FHIT: variants seen among roughly 807,000 people sequenced by gnomAD.
FHIT encodes the protein fragile histidine triad diadenosine triphosphatase.
A neutral mutation model predicts 17.9 loss-of-function variants in FHIT; 19 were observed. The observed-to-expected ratio is 1.06, with a 90% CI of 0.74 to 1.56. The LOEUF is 1.56. Ranked by LOEUF, FHIT falls within the 40% of genes most tolerant of loss-of-function variation. FHIT has a pLI of 0.00. For synonymous variants in FHIT, 81 were observed against 69.7 expected, an observed-to-expected ratio of 1.16 and a Z score of -0.81; for missense variants, 248 against 189.2, an observed-to-expected ratio of 1.31 and a Z score of -1.82.
chr3:60,548,839 A>G (rs2107619913), intron 4 of FHIT, among the ~76,000 whole-genome samples: 1 of 152,306 alleles, frequency 6.6e-6, no homozygotes, highest in South Asian at 2.1e-4. Flanking sequence ...CAAAAAACAA[A>G]TTCCTATACT....
chr3:60,281,618 C>CAAAA (rs71627529), intron 5 of FHIT, among the ~76,000 whole-genome samples: 2 of 92,278 alleles, frequency 2.2e-5, no homozygotes, highest in Non-Finnish European at 5.0e-5. Flanking sequence ...ATCCATATGC[C>CAAAA]AAAAAAAAAA....
chr3:59,874,250 CA>C (rs1462689501), intron 8 of FHIT, among the ~76,000 whole-genome samples: 1 of 152,094 alleles, frequency 6.6e-6, no homozygotes, highest in Non-Finnish European at 1.5e-5. Flanking sequence ...CTTCTCTGGC[CA>C]AAAAACAATT....
chr3:61,236,932 A>G (rs900695931), intron 1 of FHIT, among the ~76,000 whole-genome samples: 1 of 152,168 alleles, frequency 6.6e-6, no homozygotes, highest in African/African-American at 2.4e-5. Context: ...ATGCCCTTAC[A>G]TGATCTACCT....
At chr3:60,862,925 C>T (rs571172723) in intron 3 of FHIT, among the ~76,000 whole-genome samples, 2 of 151,648 alleles carry the variant, frequency 1.3e-5, no homozygotes, top group African/African-American at 4.8e-5. Flanking sequence ...CATGAAGAGA[C>T]TTAGCAGATG....
At chr3:60,896,188 T>C (rs1305902874) in intron 3 of FHIT, among the ~76,000 whole-genome samples, 1 of 152,082 alleles carries the variant, frequency 6.6e-6, no homozygotes, top group Non-Finnish European at 1.5e-5. Context: ...CTGCCACCGA[T>C]GGAAAAATTG....
chr3:60,058,057 A>G (rs112011595), intron 5 of FHIT, among the ~76,000 whole-genome samples: 3,204 of 150,300 alleles, frequency 0.021, 121 homozygotes, highest in African/African-American at 0.072. Flanking sequence ...TAGAACACAG[A>G]TTACCAGGGG....
intron 3 of FHIT, among the ~76,000 whole-genome samples, chr3:60,899,822 T>C (rs1249986661): frequency 1.3e-5 from 2 of 152,096 alleles, no homozygotes; most frequent in African/African-American, 4.8e-5. Flanking sequence ...GCTGGGCTTA[T>C]GGGGATGGAA....
intron 7 of FHIT, among the ~76,000 whole-genome samples, chr3:59,968,305 A>G (rs1011489427): frequency 1.3e-5 from 2 of 152,144 alleles, no homozygotes; most frequent in African/African-American, 4.8e-5. Context: ...TATGAACTGT[A>G]GATTTTTGAT....
At chr3:61,126,141 T>G (rs1023224632) in intron 2 of FHIT, among the ~76,000 whole-genome samples, 3 of 152,154 alleles carry the variant, frequency 2.0e-5, no homozygotes, top group Non-Finnish European at 4.4e-5. Flanking sequence ...TCTATGAGTC[T>G]GACAGCTATA....
chr3:60,406,041 T>TGA (rs1701844546), intron 5 of FHIT, among the ~76,000 whole-genome samples: 2 of 152,204 alleles, frequency 1.3e-5, no homozygotes, highest in South Asian at 4.1e-4. Flanking sequence ...ATTAGATATT[T>TGA]GTAGTAATCA....
At chr3:61,197,701 G>A (rs1044406049) in intron 2 of FHIT, among the ~76,000 whole-genome samples, 1 of 152,118 alleles carries the variant, frequency 6.6e-6, no homozygotes, top group Non-Finnish European at 1.5e-5. Context: ...AAAATTCAGG[G>A]AAAAGTAGAC....
chr3:60,460,149 T>C (rs577011560), intron 5 of FHIT, among the ~76,000 whole-genome samples: 154 of 152,298 alleles, frequency 1.0e-3, no homozygotes, highest in African/African-American at 3.4e-3. Flanking sequence ...TCAACAAATA[T>C]GTCTATCAAA....
chr3:60,245,645 T>C (rs552968769), intron 5 of FHIT, among the ~76,000 whole-genome samples: 2 of 152,212 alleles, frequency 1.3e-5, no homozygotes, highest in Admixed American at 1.3e-4. Context: ...GTAAAGATAA[T>C]CAAGCAATAT....
intron 7 of FHIT, among the ~76,000 whole-genome samples, chr3:59,941,520 A>G (rs1033808395): frequency 1.3e-5 from 2 of 152,074 alleles, no homozygotes; most frequent in African/African-American, 4.8e-5. Flanking sequence ...ATCCTGACAC[A>G]TTGCATAGAC....
At chr3:61,186,420 C>A (rs940284968) in intron 2 of FHIT, among the ~76,000 whole-genome samples, 1 of 152,196 alleles carries the variant, frequency 6.6e-6, no homozygotes. Flanking sequence ...CATTCAGATT[C>A]TTTCCCCCAG....
chr3:60,980,136 A>G (rs1710433176), intron 3 of FHIT, among the ~76,000 whole-genome samples: 1 of 152,230 alleles, frequency 6.6e-6, no homozygotes. Flanking sequence ...TTCTAAGACA[A>G]GATAAATTCA....
intron 6 of FHIT, among the ~76,000 whole-genome samples, chr3:60,012,645 T>A (rs1192016030): frequency 6.6e-6 from 1 of 152,172 alleles, no homozygotes; most frequent in African/African-American, 2.4e-5. Context: ...AACTCTGGTT[T>A]CCTTTATCAA....
At chr3:60,194,375 G>A (rs1437447946) in intron 5 of FHIT, among the ~76,000 whole-genome samples, 3 of 152,140 alleles carry the variant, frequency 2.0e-5, no homozygotes, top group Non-Finnish European at 2.9e-5. Context: ...GGGAAACCTG[G>A]ATAGCCCCAT....
chr3:60,083,002 C>T (rs1703355036), intron 5 of FHIT, among the ~76,000 whole-genome samples: 1 of 152,024 alleles, frequency 6.6e-6, no homozygotes, highest in Non-Finnish European at 1.5e-5. Context: ...GTTTATGTTA[C>T]ATTGCTTTTG....
Sources: gnomAD v4.1 joint callset for allele counts (sites outside exome capture counted in the v4.1 genomes callset) on GRCh38, gnomAD v4.1.1 for gene constraint, MANE v1.5 for transcripts, NCBI Gene and HGNC (gene_info 2026-07-23, HGNC 2026-07-21) for gene names.